NAV2: variants seen among roughly 807,000 people sequenced by gnomAD.
NAV2 encodes the protein helicase, APC down-regulated 1.
In NAV2, 54 loss-of-function variants were observed where a neutral mutation model predicts 223.2. The observed-to-expected ratio is 0.24, with a 90% CI of 0.19 to 0.30. NAV2 has a LOEUF of 0.30. Ranked by LOEUF, NAV2 falls within the 10% of genes least tolerant of loss-of-function variation. The pLI is 1.00. For missense variants in NAV2, 2,806 were observed against 3,147.5 expected, an observed-to-expected ratio of 0.89 and a Z score of 2.60; for synonymous variants, 1,279 against 1,239.3, an observed-to-expected ratio of 1.03 and a Z score of -0.67.
chr11:20,055,162 G>A (rs1291080091), intron 18 of NAV2, among the ~76,000 whole-genome samples: 8 of 152,100 alleles, frequency 5.3e-5, no homozygotes, highest in Non-Finnish European at 2.9e-5. Flanking sequence ...AATCAAGTGA[G>A]GTTTAACACT....
intron 1 of NAV2, among the ~76,000 whole-genome samples, chr11:19,597,019 C>G (rs149260931): frequency 6.6e-6 from 1 of 152,344 alleles, no homozygotes; most frequent in Non-Finnish European, 1.5e-5. Flanking sequence ...CCAACTGCCT[C>G]CCTTTGCTGT....
At chr11:19,422,212 G>C (rs1041031876) in intron 1 of NAV2, among the ~76,000 whole-genome samples, 7 of 152,186 alleles carry the variant, frequency 4.6e-5, no homozygotes, top group Admixed American at 3.9e-4. Context: ...CCTTGTTCCA[G>C]TGACACAGTG....
chr11:19,486,594 A>G (rs990469937), intron 1 of NAV2, among the ~76,000 whole-genome samples: 3 of 152,170 alleles, frequency 2.0e-5, no homozygotes, highest in African/African-American at 7.2e-5. Flanking sequence ...GCCACCATGT[A>G]AAGAAGTACG....
chr11:19,478,537 T>C (rs1394993363), intron 1 of NAV2, among the ~76,000 whole-genome samples: 5 of 152,186 alleles, frequency 3.3e-5, no homozygotes, highest in Admixed American at 3.3e-4. Context: ...AATTAATTAA[T>C]TCATCAAATA....
intron 1 of NAV2, among the ~76,000 whole-genome samples, chr11:19,450,400 T>C (rs1361466492): frequency 6.6e-6 from 1 of 152,184 alleles, no homozygotes; most frequent in Non-Finnish European, 1.5e-5. Context: ...GAAAACCATT[T>C]GGTAGCAGGA....
At chr11:19,945,999 G>A (rs1565616877) in intron 8 of NAV2, among the ~76,000 whole-genome samples, 1 of 152,228 alleles carries the variant, frequency 6.6e-6, no homozygotes, top group Non-Finnish European at 1.5e-5. Flanking sequence ...GCCTAAGATA[G>A]CTGCATATAT....
intron 1 of NAV2, among the ~76,000 whole-genome samples, chr11:19,431,236 G>A (rs1047755673): frequency 4.6e-5 from 7 of 152,172 alleles, no homozygotes; most frequent in African/African-American, 1.2e-4. Context: ...GTGGGAATCG[G>A]CACAGCAGGC....
Position 19,987,103 on chromosome 11 carries a change from G to T in NAV2, c.2768+2856G>T, listed in dbSNP as rs559455826. Reference sequence around the variant, plus strand: ...TGTGATTTTACAAATGCTGCTTAAGGTAAGGATAGTGTAGACTTGAGACAA... The same window carrying T: ...TGTGATTTTACAAATGCTGCTTAAGTTAAGGATAGTGTAGACTTGAGACAA... On this transcript the variant is annotated intron_variant, in intron 11 of 37. Coordinates refer to ENST00000349880, the MANE Select transcript of NAV2 (RefSeq NM_145117.5). 5.3e-5 allele frequency among the ~76,000 whole-genome samples: 8 copies of T among 152,272 alleles called. No homozygotes were observed. In the South Asian group the frequency reaches 1.7e-3, roughly 32 times the overall value.
At chr11:19,345,333 T>TC in the NAV2 span, among the ~76,000 whole-genome samples, 1 of 152,042 alleles carries the variant, frequency 6.6e-6, no homozygotes, top group African/African-American at 2.4e-5. This position sits in a 1 kb window ranked among gnomAD's most constrained non-coding sequence, Gnocchi z 5.2. Context: ...CTATGCTGCC[T>TC]CCCCCAGGTC....
intron 1 of NAV2, among the ~76,000 whole-genome samples, chr11:19,807,392 T>C (rs188770888): frequency 2.2e-4 from 33 of 152,340 alleles, no homozygotes; most frequent in Non-Finnish European, 3.5e-4. Context: ...GATGCTGCCT[T>C]CTTGAGCTGG....
Position 19,946,500 on chromosome 11 carries a change from T to A in NAV2, c.2246T>A (p.Val749Asp), listed in dbSNP as rs750522341. Residue 749 changes from valine to aspartate, a missense_variant, in exon 9 of 38, where the codon GTT becomes GAT. By Grantham distance (152) the Val-to-Asp change is radical (BLOSUM62 -3). Transcript: ENST00000349880. ...ATGTCCAGTTTAAGGGGAACTCAGGTTACACACAGGTATCTGCAGTGTGAA... is the reference window on the plus strand; with the variant it reads ...ATGTCCAGTTTAAGGGGAACTCAGGATACACACAGGTATCTGCAGTGTGAA... ...ETMSSLRGTQ[V>D]THSTLETTFD... 1.9e-6 allele frequency: 3 copies of A among 1,612,820 alleles called. No homozygotes were observed. The African/African-American group carries it at 4.0e-5, about 22-fold the overall frequency.
chr11:20,072,344 T>C (rs1019525485), intron 22 of NAV2, among the ~76,000 whole-genome samples: 2 of 152,238 alleles, frequency 1.3e-5, no homozygotes, highest in Non-Finnish European at 2.9e-5. Context: ...ACTGTAGCCT[T>C]GTAGTATAGT....
chr11:19,385,906 C>T (rs1372890814), intron 1 of NAV2, among the ~76,000 whole-genome samples: 8 of 152,034 alleles, frequency 5.3e-5, no homozygotes, highest in Admixed American at 1.3e-4. Flanking sequence ...GGACTACAGG[C>T]GCCCGCCACC....
chr11:19,623,389 C>T (rs1262454678), intron 1 of NAV2, among the ~76,000 whole-genome samples: 1 of 152,220 alleles, frequency 6.6e-6, no homozygotes, highest in Non-Finnish European at 1.5e-5. Flanking sequence ...CTCCCCGTCA[C>T]TTTCAGGTAC....
At chr11:20,087,797 G>T (rs906276051) in intron 26 of NAV2, among the ~76,000 whole-genome samples, 1 of 152,144 alleles carries the variant, frequency 6.6e-6, no homozygotes, top group Non-Finnish European at 1.5e-5. Context: ...TTTACATGGT[G>T]CAGTCTTGGG....
At chr11:20,048,376 G>T (rs2057670129) in intron 14 of NAV2, among the ~76,000 whole-genome samples, 1 of 152,152 alleles carries the variant, frequency 6.6e-6, no homozygotes, top group Admixed American at 6.6e-5. Flanking sequence ...ATCTTCCTGG[G>T]CCAGGGCAGT....
chr11:20,023,094 G>A (rs1258191729), intron 11 of NAV2: 10 of 1,551,644 alleles, frequency 6.4e-6, no homozygotes, highest in East Asian at 2.4e-5. Context: ...TCCAAGGGCC[G>A]CAATGTAGTG....
At chr11:19,432,002 A>G (rs1851053005) in intron 1 of NAV2, among the ~76,000 whole-genome samples, 1 of 152,160 alleles carries the variant, frequency 6.6e-6, no homozygotes, top group South Asian at 2.1e-4. Context: ...GTTCGAGACC[A>G]GCCTGGCCAA....
At chr11:19,597,752 T>C (rs1554971134) in intron 1 of NAV2, among the ~76,000 whole-genome samples, 1 of 152,212 alleles carries the variant, frequency 6.6e-6, no homozygotes, top group Non-Finnish European at 1.5e-5. Context: ...TCTAAACAAG[T>C]GGGCATTTTT....
Sources: allele counts gnomAD v4.1 joint callset (sites outside exome capture counted in the v4.1 genomes callset), GRCh38; gene constraint gnomAD v4.1.1; non-coding constraint Gnocchi (gnomAD v3.1); transcripts MANE v1.5; gene names NCBI Gene and HGNC (gene_info 2026-07-23, HGNC 2026-07-21).